Variants in ZP2 observed in about 807,000 individuals in gnomAD.
ZP2 encodes the protein zona pellucida glycoprotein 2.
In ZP2, 51 loss-of-function variants were observed where a neutral mutation model predicts 84.0. That is an observed-to-expected ratio of 0.61 (90% CI 0.49 to 0.77). The LOEUF (loss-of-function observed/expected upper bound fraction) is 0.77. Ranked by LOEUF, ZP2 falls within the 30% of genes least tolerant of loss-of-function variation. The pLI, the probability that ZP2 is intolerant of heterozygous loss-of-function variation, is 0.00. For synonymous variants in ZP2, 375 were observed against 330.9 expected (o/e 1.13, Z -1.45); for missense variants, 909 against 911.9 (o/e 1.00, Z 0.04).
intron 10 of ZP2, 64 bp downstream of exon 10, chr16:21,203,061 G>A (rs945807508): frequency 4.5e-6 from 7 of 1,567,318 alleles, no homozygotes; most frequent in African/African-American, 1.4e-5. Flanking sequence ...CTATACATTT[G>A]CCCACATGTA....
chr16:21,199,152 C>A (rs768572821), intron 16 of ZP2, among the ~76,000 whole-genome samples: 5 of 151,104 alleles, frequency 3.3e-5, no homozygotes, highest in African/African-American at 4.9e-5. Flanking sequence ...GAAACCCTGT[C>A]TCTACTAAAG....
chr16:21,210,866 C>T (rs866194904), intron 2 of ZP2, among the ~76,000 whole-genome samples: 1 of 149,462 alleles, frequency 6.7e-6, no homozygotes, highest in South Asian at 2.1e-4. Flanking sequence ...TGAGCCCCGG[C>T]GCCTGGCTGC....
At position 21,204,032 on chromosome 16, in the gene ZP2, T is replaced by C. The variant is rs893226161; in HGVS notation, c.970A>G (p.Lys324Glu). 1.7e-5 allele frequency: 27 copies of C among 1,612,856 alleles called. No homozygotes were observed. Residue 324 changes from lysine to glutamate, a missense_variant and splice_region_variant, in exon 9 of 19, where the codon AAA (lysine) becomes GAA (glutamate). Lys to Glu is a moderately conservative substitution (Grantham distance 56). Transcript: ENST00000574091. ...LHFSKTLLKT[K>E]LSEKCLLHQF... ...CAGTGGTTGACAATTGAACATACTT[T>C]CGTTTTGAGCAGAGTTTTGCTGAAA... is the stretch of plus-strand genomic sequence containing the variant.
upstream of ZP2, among the ~76,000 whole-genome samples, chr16:21,211,935 T>TC (rs2093277125): frequency 6.6e-6 from 1 of 152,008 alleles, no homozygotes; most frequent in African/African-American, 2.4e-5. Flanking sequence ...CTACATTTTT[T>TC]TTTTTTTTTT....
At chr16:21,210,083 A>G (rs1402077786) in intron 3 of ZP2, 26 bp downstream of exon 3, 4 of 1,602,432 alleles carry the variant, frequency 2.5e-6, no homozygotes, top group South Asian at 1.1e-5. Flanking sequence ...AATCAGGACT[A>G]TGAGGAGATA....
At chr16:21,207,234 C>T (rs1459815705) in intron 4 of ZP2, among the ~76,000 whole-genome samples, 1 of 152,078 alleles carries the variant, frequency 6.6e-6, no homozygotes, top group African/African-American at 2.4e-5. Flanking sequence ...CTTATGTGTA[C>T]CCTATGTCTC....
In ZP2 at chr16:21,199,894, C is replaced by A; in HGVS notation, c.1695-16G>T. 1 of 1,611,886 alleles carries A rather than the reference C, an allele frequency of 6.2e-7. No individual in the cohort carries two copies. The highest frequency in any genetic ancestry group is 1.1e-5 in the South Asian group (1 of 90,944). On this transcript the variant is annotated splice_polypyrimidine_tract_variant and intron_variant, in intron 14 of 18. Coordinates refer to ENST00000574091, the MANE Select transcript of ZP2 (RefSeq NM_001376232.1). ...ATATGCACAGCTAGGAGGTATGCAC[C>A]AGGGAGGGATGTCAGTCATATGCAT... is the stretch of plus-strand genomic sequence containing the variant.
At chr16:21,209,836 C>G (rs1055849281) in intron 3 of ZP2, 111 bp from the exon 4 acceptor site, 1 of 942,404 alleles carries the variant, frequency 1.1e-6, no homozygotes, top group African/African-American at 1.6e-5. Context: ...AGTCCCTTCA[C>G]TTCCGCCCCA....
At chr16:21,203,956 G>A (rs536298330) in intron 9 of ZP2, 74 bp downstream of exon 9, 44 of 1,543,402 alleles carry the variant, frequency 2.9e-5, no homozygotes, top group East Asian at 1.1e-4. Flanking sequence ...GTTATCAGCC[G>A]TATGAGGACT....
At chr16:21,214,135 A>T, upstream of ZP2, 1 of 699,844 alleles carries the variant, frequency 1.4e-6, no homozygotes, top group Non-Finnish European at 1.8e-6. Flanking sequence ...AAGGGGCAGC[A>T]CAGAGACCCC....
chr16:21,203,386 AAG>A, intron 9 of ZP2, 135 bp from the exon 10 acceptor site: 2 of 1,134,468 alleles, frequency 1.8e-6, no homozygotes, highest in Non-Finnish European at 2.5e-6. Flanking sequence ...AAACCAAAAC[AAG>A]AGAGACCCTA....
chr16:21,202,133 G>A lies in ZP2; in HGVS notation c.1258C>T (p.Pro420Ser). ...TATCTCGTTCCACATCCATTCAGGG[G>A]TATGTGGAACCGTACCAGCCCCTGA... is the stretch of plus-strand genomic sequence containing the variant. ...QSQGLVRFHI[P>S]LNGCGTRYKF... The change falls in exon 11 of 19, where the codon CCC becomes TCC. Residue 420 changes from proline (P) to serine (S), a missense_variant. Pro to Ser is a moderately conservative substitution (Grantham distance 74). Transcript: ENST00000574091. The A allele has an allele frequency of 6.2e-7, 1 of 1,613,122 alleles. No homozygotes were observed. The highest frequency in any genetic ancestry group is 8.5e-7 in the Non-Finnish European group (1 of 1,179,738).
chr16:21,199,221 C>T (rs1450723449), intron 16 of ZP2, among the ~76,000 whole-genome samples: 6 of 146,310 alleles, frequency 4.1e-5, no homozygotes, highest in Non-Finnish European at 8.9e-5. Flanking sequence ...ACTTGGGAGG[C>T]TCAGGCAGGA....
In ZP2 at chr16:21,199,569, C is replaced by A. The variant is rs780818534; in HGVS notation, c.1927+1G>T. Reference sequence around the variant, plus strand: ...CAGAAACAGGAATTTGAAGTTTTTACCTCGCCTGTGCCTAGAGGACACAGG... The same window carrying A: ...CAGAAACAGGAATTTGAAGTTTTTAACTCGCCTGTGCCTAGAGGACACAGG... On this transcript the variant is annotated splice_donor_variant, in intron 16 of 18. Transcript: ENST00000574091. LOFTEE classifies it high-confidence loss of function. 6.4e-7 allele frequency: 1 copy of A among 1,570,766 alleles called. No individual in the cohort carries two copies. The highest frequency in any genetic ancestry group is 2.2e-5 in the East Asian group (1 of 44,552).
chr16:21,203,133 A>G lies in ZP2; in HGVS notation c.1091T>C (p.Val364Ala). 6.2e-7 allele frequency: 1 copy of G among 1,613,466 alleles called. No individual in the cohort carries two copies. Among genetic ancestry groups the G allele is most frequent in the Non-Finnish European group, 8.5e-7 (1 of 1,179,738 alleles). Residue 364 changes from valine to alanine, a missense_variant, in exon 10 of 19, where the codon GTT becomes GCT. Transcript: ENST00000574091. ...TAATAAAAGGTCTTTACCTATAGAA[A>G]CGGGTGACTCACAGAGACACTCAGG... ...IYPECLCESP[V>A]SIVTGELCTQ...
Position 21,203,199 on chromosome 16 carries a change from G to C in ZP2, c.1025C>G (p.Thr342Ser). The C allele has an allele frequency of 6.2e-7, 1 of 1,613,940 alleles. No homozygotes were observed. Among genetic ancestry groups the C allele is most frequent in the Non-Finnish European group, 8.5e-7 (1 of 1,179,906 alleles). Residue 342 changes from threonine (T) to serine (S), a missense_variant, in exon 10 of 19, where the codon ACC becomes AGC. By Grantham distance (58) the Thr-to-Ser change is moderately conservative (BLOSUM62 1). Transcript: ENST00000574091. Reference sequence around the variant, plus strand: ...TACTGTCTCTGGCCGAAGGAGAAAGGTCAGCTTGAGTGAAGCTAAGTAGAA... The same window carrying C: ...TACTGTCTCTGGCCGAAGGAGAAAGCTCAGCTTGAGTGAAGCTAAGTAGAA... ...HQFYLASLKL[T>S]FLLRPETVSM...
intron 10 of ZP2, among the ~76,000 whole-genome samples, chr16:21,202,811 G>A (rs917382103): frequency 6.6e-6 from 1 of 151,718 alleles, no homozygotes; most frequent in Non-Finnish European, 1.5e-5. Flanking sequence ...TTTTGGGGTG[G>A]GGGGGTACTT....
intron 15 of ZP2, 36 bp from the exon 16 acceptor site, chr16:21,199,702 C>T (rs777359147): frequency 4.3e-6 from 7 of 1,612,932 alleles, no homozygotes; most frequent in Non-Finnish European, 5.1e-6. Context: ...AATCGATGCA[C>T]TAACATTTAA....
chr16:21,209,967 C>G (rs1567217175), intron 3 of ZP2, 142 bp downstream of exon 3: 1 of 785,352 alleles, frequency 1.3e-6, no homozygotes, highest in Middle Eastern at 2.6e-4. Flanking sequence ...TGGCTTCATG[C>G]AAATCAGGTA....
Sources: allele counts gnomAD v4.1 joint callset (sites outside exome capture counted in the v4.1 genomes callset), GRCh38; gene constraint gnomAD v4.1.1; transcripts MANE v1.5; gene names NCBI Gene and HGNC (gene_info 2026-07-23, HGNC 2026-07-21).